Variants in PHF6 observed in about 807,000 individuals in gnomAD.
PHF6 encodes the protein PHD-like zinc finger protein.
A neutral mutation model predicts 34.0 loss-of-function variants in PHF6; 7 were observed. The ratio of observed to expected loss-of-function variants is 0.21; its 90% CI spans 0.12 to 0.39. PHF6 has a LOEUF of 0.39. Among genes scored for constraint, PHF6 ranks in the 10% least tolerant of loss-of-function variants. The pLI, the probability that PHF6 is intolerant of heterozygous loss-of-function variation, is 1.00. For synonymous variants in PHF6, 89 were observed against 88.4 expected (o/e 1.01, Z -0.04); for missense variants, 128 against 262.8 (o/e 0.49, Z 3.55).
chrX:134,403,593 C>A (rs1436170243), intron 5 of PHF6, among the ~76,000 whole-genome samples: 1 of 112,010 alleles, frequency 8.9e-6, no homozygotes, highest in African/African-American at 3.2e-5. Flanking sequence ...GTTGCCTACA[C>A]AAAACAACAG....
At chrX:134,411,954 G>A (rs897515186) in intron 5 of PHF6, among the ~76,000 whole-genome samples, 4 of 111,503 alleles carry the variant, frequency 3.6e-5, no homozygotes, top group East Asian at 2.8e-4. Context: ...GACTGGTCTC[G>A]AACTCCTGAC....
At chrX:134,400,630 G>A (rs1004797817) in intron 5 of PHF6, among the ~76,000 whole-genome samples, 1 of 110,475 alleles carries the variant, frequency 9.1e-6, no homozygotes, top group African/African-American at 3.3e-5. Context: ...AAGGTGTGAG[G>A]GTTGGAAGCT....
At chrX:134,402,522 A>G (rs1207713175) in intron 5 of PHF6, among the ~76,000 whole-genome samples, 2 of 111,867 alleles carry the variant, frequency 1.8e-5, no homozygotes, top group East Asian at 2.8e-4. Context: ...GATCGCTCTC[A>G]GAGGAGAGCC....
intron 5 of PHF6, among the ~76,000 whole-genome samples, chrX:134,396,885 T>TAAAAAAAA (rs35795052): frequency 1.2e-5 from 1 of 81,516 alleles, no homozygotes; most frequent in Non-Finnish European, 2.4e-5. Context: ...TGTACTGCAC[T>TAAAAAAAA]AAAAAAAAAA....
chrX:134,385,489 C>T (rs1019274270), intron 3 of PHF6, among the ~76,000 whole-genome samples: 2 of 111,518 alleles, frequency 1.8e-5, no homozygotes, highest in African/African-American at 6.5e-5. Flanking sequence ...TGCTTGATGT[C>T]TTCTTTGTAC....
Position 134,379,432 on chromosome X carries a change from C to CTTTTTTTTTT in PHF6, c.240+1344_240+1353dup, listed in dbSNP as rs34099570. 7.8e-3 allele frequency among the ~76,000 whole-genome samples: 206 copies of CTTTTTTTTTT among 26,266 alleles called. 1 individual carries two copies. The highest frequency in any genetic ancestry group is 9.0e-3 in the Non-Finnish European group (157 of 17,433). The allele number at this position is 26,266 out of a possible 115,157, so 22.8% of individuals were successfully genotyped here. A position where few individuals can be genotyped will look rare whatever the true frequency, so the allele number is the denominator to read the frequency against. On this transcript the variant is annotated intron_variant, in intron 3 of 10. Coordinates refer to ENST00000370803, the MANE Select transcript of PHF6 (RefSeq NM_001015877.2). Reference sequence around the variant, plus strand: ...TTTCCTTTTTCTTTTCTTTTCTTTTCTTTTTTTTTTTTTTTTTTTTTTTTT... The same window carrying CTTTTTTTTTT: ...TTTCCTTTTTCTTTTCTTTTCTTTTCTTTTTTTTTTTTTTTTTTTTTTTTTTTTTTTTTTT...
chrX:134,418,838 C>G (rs2077481070), intron 9 of PHF6: 1 of 103,426 alleles, frequency 9.7e-6, no homozygotes, highest in Non-Finnish European at 2.0e-5. Context: ...ACCAATCTCC[C>G]CTTTTTTTTT....
At chrX:134,387,124 G>A (rs1181626892) in intron 3 of PHF6, among the ~76,000 whole-genome samples, 1 of 111,096 alleles carries the variant, frequency 9.0e-6, no homozygotes, top group Non-Finnish European at 1.9e-5. Flanking sequence ...TTTAATGTAT[G>A]CAGATATTTT....
chrX:134,404,069 A>G (rs1053946190), intron 5 of PHF6, among the ~76,000 whole-genome samples: 1 of 111,808 alleles, frequency 8.9e-6, no homozygotes, highest in Admixed American at 9.6e-5. Context: ...TGGACTTTCA[A>G]GTCTTATTAT....
chrX:134,426,529 G>T lies in PHF6; in HGVS notation c.*869G>T, dbSNP rs1346699831. The stretch of plus-strand genomic sequence containing the variant: ...ATATTGGCGCACAGTACGTAAGGAG[G>T]TCTCATGTGCTGTAGGAGTAAAAAA... On this transcript the variant is annotated 3_prime_UTR_variant, in exon 11 of 11. Transcript: ENST00000370803. 2 of 162,501 alleles carry T rather than the reference G, an allele frequency of 1.2e-5. No individual in the cohort carries two copies. Among genetic ancestry groups the T allele is most frequent in the Admixed American group, 8.2e-5 (1 of 12,239 alleles). 13.4% of individuals were successfully genotyped at this position (162,501 alleles called of 1,213,427 possible).
chrX:134,411,785 T>C (rs1569342729), intron 5 of PHF6, among the ~76,000 whole-genome samples: 1 of 111,499 alleles, frequency 9.0e-6, no homozygotes, highest in East Asian at 2.8e-4. Flanking sequence ...CAGGCTGGAG[T>C]GCAGTGGCAC....
intron 5 of PHF6, among the ~76,000 whole-genome samples, chrX:134,407,585 T>G (rs763208273): frequency 7.2e-4 from 81 of 112,698 alleles, no homozygotes; most frequent in African/African-American, 2.4e-3. Flanking sequence ...AGAATGCCAT[T>G]TGTGTGTATA....
chrX:134,421,071 C>T (rs1038998033), intron 9 of PHF6, among the ~76,000 whole-genome samples: 1 of 111,009 alleles, frequency 9.0e-6, no homozygotes, highest in Non-Finnish European at 1.9e-5. Flanking sequence ...ATAATTTTCA[C>T]TTTTAATGGT....
intron 5 of PHF6, among the ~76,000 whole-genome samples, 188 bp downstream of exon 5, chrX:134,394,140 T>G (rs191980895): frequency 9.0e-6 from 1 of 111,138 alleles, no homozygotes; most frequent in African/African-American, 3.3e-5. Flanking sequence ...CTTCTTTTTT[T>G]TTTTTTTTCC....
chrX:134,422,006 G>C (rs1311344263), intron 9 of PHF6, among the ~76,000 whole-genome samples: 1 of 110,407 alleles, frequency 9.1e-6, no homozygotes, highest in Admixed American at 9.8e-5. Context: ...ACAACCCATT[G>C]CAGCCTCAAC....
At chrX:134,424,455 A>C (rs1006465764) in intron 9 of PHF6, among the ~76,000 whole-genome samples, 1 of 112,069 alleles carries the variant, frequency 8.9e-6, no homozygotes, top group Non-Finnish European at 1.9e-5. Flanking sequence ...TGAAAAAGAA[A>C]AGCTGAACCT....
intron 5 of PHF6, among the ~76,000 whole-genome samples, chrX:134,401,255 A>T (rs180979985): frequency 5.4e-5 from 6 of 111,033 alleles, no homozygotes; most frequent in Non-Finnish European, 1.1e-4. Flanking sequence ...ACATCTTCCT[A>T]GTTTATGCTC....
chrX:134,414,337 A>G (rs1047668379), intron 7 of PHF6, among the ~76,000 whole-genome samples: 1 of 111,809 alleles, frequency 8.9e-6, no homozygotes, highest in Non-Finnish European at 1.9e-5. Context: ...TCTCTGTTGT[A>G]CTTAACACTC....
At chrX:134,424,480 C>T (rs751382726) in intron 9 of PHF6, among the ~76,000 whole-genome samples, 9 of 112,105 alleles carry the variant, frequency 8.0e-5, no homozygotes, top group African/African-American at 2.9e-4. Context: ...CTAACCAAGC[C>T]TTTAGACCTT....
Sources: allele counts gnomAD v4.1 joint callset (sites outside exome capture counted in the v4.1 genomes callset), GRCh38; gene constraint gnomAD v4.1.1; transcripts MANE v1.5; gene names NCBI Gene and HGNC (gene_info 2026-07-23, HGNC 2026-07-21).